The following DMD variants were observed in gnomAD, a reference collection of about 807,000 sequenced individuals.
The protein encoded by DMD is mutant dystrophin.
A neutral mutation model predicts 330.1 loss-of-function variants in DMD; 63 were observed. The observed-to-expected ratio is 0.19, with a 90% CI of 0.16 to 0.24. The LOEUF is 0.24. Among genes scored for constraint, DMD ranks in the 10% least tolerant of loss-of-function variants. The pLI, the probability that DMD is intolerant of heterozygous loss-of-function variation, is 1.00. For missense variants in DMD, 3,344 were observed against 2,684.1 expected, an observed-to-expected ratio of 1.25 and a Z score of -5.43; for synonymous variants, 1,223 against 959.8, an observed-to-expected ratio of 1.27 and a Z score of -5.07.
Position 32,925,145 on chromosome X carries a change from G to GTTTTTTTTTTTT in DMD, c.94-75337_94-75326dup, listed in dbSNP as rs777224221. Among the ~76,000 whole-genome samples, 7 of 48,531 alleles carry GTTTTTTTTTTTT rather than the reference G, an allele frequency of 1.4e-4. 1 individual carries two copies. Among genetic ancestry groups the GTTTTTTTTTTTT allele is most frequent in the Admixed American group, 5.3e-4 (2 of 3,771 alleles). The allele number at this position is 48,531 out of a possible 115,157, so 42.1% of individuals were successfully genotyped here. ...TAAGTAGGTTTTTCAAAAACTCTGG[G>GTTTTTTTTTTTT]TTTTTTTTTTTTTTTTTTTTTTTTT... On this transcript the variant is annotated intron_variant, in intron 2 of 78. Coordinates refer to ENST00000357033, the MANE Select transcript of DMD (RefSeq NM_004006.3).
At chrX:32,545,804 T>C (rs1452747489) in intron 16 of DMD, among the ~76,000 whole-genome samples, 1 of 111,609 alleles carries the variant, frequency 9.0e-6, no homozygotes, top group Non-Finnish European at 1.9e-5. Context: ...TGTTATACAT[T>C]TTTAAATAAA....
chrX:32,026,671 A>G (rs1200978870), intron 44 of DMD, among the ~76,000 whole-genome samples: 1 of 112,426 alleles, frequency 8.9e-6, no homozygotes, highest in Non-Finnish European at 1.9e-5. Flanking sequence ...TAAAAAATGT[A>G]TCTATTCCTC....
At chrX:31,920,550 T>A (rs1017399652) in intron 47 of DMD, among the ~76,000 whole-genome samples, 11 of 112,394 alleles carry the variant, frequency 9.8e-5, no homozygotes, top group African/African-American at 3.6e-4. Context: ...CATTTTATAT[T>A]AGCAAAATCC....
chrX:32,796,788 T>A (rs1202129881), intron 7 of DMD, among the ~76,000 whole-genome samples: 1 of 112,019 alleles, frequency 8.9e-6, no homozygotes, highest in Non-Finnish European at 1.9e-5. Flanking sequence ...GGATAGCTTA[T>A]TGCTTTAAAA....
At chrX:32,202,087 C>G (rs2097042525) in intron 44 of DMD, among the ~76,000 whole-genome samples, 1 of 111,433 alleles carries the variant, frequency 9.0e-6, no homozygotes, top group African/African-American at 3.3e-5. Flanking sequence ...AGTAGGTCAA[C>G]AAATATTTGG....
chrX:32,067,067 T>C (rs903160938), intron 44 of DMD, among the ~76,000 whole-genome samples: 2 of 111,847 alleles, frequency 1.8e-5, no homozygotes, highest in African/African-American at 6.5e-5. Context: ...AGTATTAACA[T>C]GCTCTTCTCA....
chrX:32,858,357 G>A (rs1010462077), intron 2 of DMD, among the ~76,000 whole-genome samples: 4 of 112,082 alleles, frequency 3.6e-5, no homozygotes, highest in African/African-American at 1.3e-4. Context: ...TTGAGACAGA[G>A]TCTCGCTCTG....
chrX:31,637,845 C>T (rs1001059307), intron 54 of DMD, among the ~76,000 whole-genome samples: 3 of 111,669 alleles, frequency 2.7e-5, no homozygotes, highest in Admixed American at 9.5e-5. Context: ...TTATAAAAAA[C>T]TATTGTTCAG....
intron 52 of DMD, among the ~76,000 whole-genome samples, chrX:31,682,011 G>A (rs1482466188): frequency 8.9e-6 from 1 of 111,906 alleles, no homozygotes; most frequent in Non-Finnish European, 1.9e-5. Flanking sequence ...AACCCGGGAG[G>A]CAGAGGTTGC....
chrX:31,159,509 TACCAACA>T, intron 74 of DMD, among the ~76,000 whole-genome samples: 1 of 111,475 alleles, frequency 9.0e-6, no homozygotes, highest in Non-Finnish European at 1.9e-5. Context: ...ACATATGTAA[TACCAACA>T]GGAAACCATT....
chrX:32,845,493 T>A (rs769495183), intron 3 of DMD, among the ~76,000 whole-genome samples: 90 of 112,139 alleles, frequency 8.0e-4, no homozygotes, highest in African/African-American at 2.7e-3. Context: ...TAACCTGTTT[T>A]ATTTACTCTC....
intron 43 of DMD, among the ~76,000 whole-genome samples, chrX:32,233,599 T>TTTTATTTATTTATTTATGTA (rs2097176550): frequency 6.8e-5 from 6 of 87,936 alleles, no homozygotes; most frequent in African/African-American, 2.5e-4. Flanking sequence ...TTTCTTTTTC[T>TTTTATTTATTTATTTATGTA]TTTATTTATT....
At chrX:31,613,842 C>A (rs1385295404) in intron 55 of DMD, among the ~76,000 whole-genome samples, 1 of 111,886 alleles carries the variant, frequency 8.9e-6, no homozygotes, top group Admixed American at 9.5e-5. Context: ...GAAGATCCCA[C>A]TTCTTAATAG....
chrX:33,238,865 T>G (rs1382426373), intron 1 of DMD, among the ~76,000 whole-genome samples: 1 of 111,104 alleles, frequency 9.0e-6, no homozygotes, highest in East Asian at 2.8e-4. Context: ...TAGGTTTAAG[T>G]GAGGGCTTCC....
intron 63 of DMD, among the ~76,000 whole-genome samples, chrX:31,230,623 T>C (rs1368971280): frequency 9.5e-6 from 1 of 105,052 alleles, no homozygotes; most frequent in Non-Finnish European, 1.9e-5. Flanking sequence ...CACTTCAGCC[T>C]GGGCGACAGA....
At chrX:32,423,473 T>G (rs2098198980) in intron 29 of DMD, among the ~76,000 whole-genome samples, 1 of 110,640 alleles carries the variant, frequency 9.0e-6, no homozygotes, top group African/African-American at 3.3e-5. Flanking sequence ...TATGTGCTTA[T>G]ATACATGTAT....
intron 43 of DMD, among the ~76,000 whole-genome samples, chrX:32,220,004 C>T (rs1256705579): frequency 9.0e-6 from 1 of 111,088 alleles, no homozygotes; most frequent in Non-Finnish European, 1.9e-5. Context: ...AGAAGAAAAC[C>T]GTAAGGGTTC....
intron 51 of DMD, among the ~76,000 whole-genome samples, chrX:31,772,536 A>T (rs2090403564): frequency 8.9e-6 from 1 of 112,272 alleles, no homozygotes; most frequent in Non-Finnish European, 1.9e-5. Context: ...TCTGACATAG[A>T]CTACATCTAC....
At chrX:32,589,248 G>C (rs2054617813) in intron 13 of DMD, among the ~76,000 whole-genome samples, 1 of 111,356 alleles carries the variant, frequency 9.0e-6, no homozygotes, top group South Asian at 3.8e-4. Context: ...CTAAGATAGA[G>C]TACCAATCGT....
Sources: allele counts gnomAD v4.1 joint callset (sites outside exome capture counted in the v4.1 genomes callset), GRCh38; gene constraint gnomAD v4.1.1; transcripts MANE v1.5; gene names NCBI Gene and HGNC (gene_info 2026-07-23, HGNC 2026-07-21).